The following ZNF814 variants were observed in gnomAD, a reference collection of about 807,000 sequenced individuals.
ZNF814 encodes zinc finger protein 814.
Under a neutral mutation model 7.5 loss-of-function variants are expected in ZNF814, and 5 were observed. The observed-to-expected ratio is 0.67, with a 90% CI of 0.35 to 1.40. The LOEUF is 1.40. Among genes scored for constraint, ZNF814 ranks in the 40% most tolerant of loss-of-function variants. ZNF814 has a pLI of 0.04. For synonymous variants in ZNF814, 315 were observed against 340.7 expected (o/e 0.92, Z 0.83); for missense variants, 962 against 1,018.0 (o/e 0.94, Z 0.75).
rs1399675701 is a variant in ZNF814, at chr19:57,876,943, CCAGCGTCA to C, written c.128_135del (p.Val43GlyfsTer18). 1 of 1,614,118 alleles carries C rather than the reference CCAGCGTCA, an allele frequency of 6.2e-7. No individual in the cohort carries two copies. The highest frequency in any genetic ancestry group is 8.5e-7 in the Non-Finnish European group (1 of 1,180,004). The stretch of plus-strand genomic sequence containing the variant: ...AGGGAGGATATAAGTGCCAGGTTCT[CCAGCGTCA>C]CATCACGGTACAGGCATCTCTGAGC... On this transcript the variant is annotated frameshift_variant, in exon 2 of 3. Coordinates refer to ENST00000435989, the MANE Select transcript of ZNF814 (RefSeq NM_001144989.2). LOFTEE classifies it low-confidence loss of function (END_TRUNC).
At chr19:57,890,816 G>A (rs1259301060), upstream of ZNF814, among the ~76,000 whole-genome samples, 2 of 152,112 alleles carry the variant, frequency 1.3e-5, no homozygotes, top group Non-Finnish European at 2.9e-5. Flanking sequence ...ACAGGAATTG[G>A]GAAGGAGCCA....
chr19:57,895,259 CCTTTT>C, the ZNF814 span, among the ~76,000 whole-genome samples: 42 of 151,788 alleles, frequency 2.8e-4, no homozygotes, highest in East Asian at 1.2e-3. Context: ...AGCCTCCTTG[CCTTTT>C]CTTTTCTTTT....
chr19:57,898,437 G>A, the ZNF814 span, among the ~76,000 whole-genome samples: 1 of 152,186 alleles, frequency 6.6e-6, no homozygotes, highest in Non-Finnish European at 1.5e-5. Context: ...CGAACAGATC[G>A]AACCGCATTA....
intron 1 of ZNF814, among the ~76,000 whole-genome samples, chr19:57,879,542 A>G (rs542686990): frequency 2.6e-3 from 364 of 142,346 alleles, no homozygotes; most frequent in Middle Eastern, 7.8e-3. Flanking sequence ...TAAAAGATTT[A>G]CTACCTTATT....
Position 57,870,078 on chromosome 19 carries a change from A to C in ZNF814, c.*2744T>G, listed in dbSNP as rs185173026. ...ACATGGTGAAACCCCATCTCTAGTA[A>C]AGATACAAAAAATTAGCTGGGTATG... is the stretch of plus-strand genomic sequence containing the variant. On this transcript the variant is annotated 3_prime_UTR_variant, in exon 3 of 3. Transcript: ENST00000435989. 2.0e-5 allele frequency: 3 copies of C among 152,158 alleles called. No individual in the cohort carries two copies. Among genetic ancestry groups the C allele is most frequent in the Admixed American group, 2.0e-4 (3 of 15,266 alleles). 9.4% of individuals were successfully genotyped at this position (152,158 alleles called of 1,614,324 possible). A position where few individuals can be genotyped will look rare whatever the true frequency, so the allele number is the denominator to read the frequency against.
chr19:57,902,252 G>C, the ZNF814 span, among the ~76,000 whole-genome samples: 3 of 152,172 alleles, frequency 2.0e-5, no homozygotes, highest in Non-Finnish European at 4.4e-5. Context: ...GTAAGGCTGG[G>C]GTGCTACAAA....
chr19:57,897,702 C>A, the ZNF814 span, among the ~76,000 whole-genome samples: 1 of 152,154 alleles, frequency 6.6e-6, no homozygotes, highest in African/African-American at 2.4e-5. Flanking sequence ...GGGGAGCCAC[C>A]AAAGAAGGTC....
intron 1 of ZNF814, among the ~76,000 whole-genome samples, chr19:57,887,221 A>C (rs375433845): frequency 2.6e-5 from 4 of 152,194 alleles, no homozygotes; most frequent in South Asian, 2.1e-4. Context: ...AATAAAGACT[A>C]CATCTAACCA....
Position 57,872,817 on chromosome 19 carries a change from C to G in ZNF814, c.*5G>C. 1 of 1,609,540 alleles carries G rather than the reference C, an allele frequency of 6.2e-7. No individual in the cohort carries two copies. The highest frequency in any genetic ancestry group is 8.5e-7 in the Non-Finnish European group (1 of 1,177,442). ...TTGCTAAAAACTTTCTGACAATCCT[C>G]ACACTCATATGGCTTTTCTCCAGTG... is the stretch of plus-strand genomic sequence containing the variant. On this transcript the variant is annotated 3_prime_UTR_variant, in exon 3 of 3. Coordinates refer to ENST00000435989, the MANE Select transcript of ZNF814 (RefSeq NM_001144989.2).
chr19:57,873,163 G>C lies in ZNF814; in HGVS notation c.2227C>G (p.Pro743Ala), dbSNP rs2071571454. ...AHQRVHTGER[P>A]YECNDCGKSF... ...TTTCCACAATCATTGCATTCATAAG[G>C]CCTTTCTCCAGTGTGAACTCTCTGA... is the stretch of plus-strand genomic sequence containing the variant. Residue 743 changes from proline (P) to alanine (A), a missense_variant, in exon 3 of 3, where the codon CCT becomes GCT. Physicochemically the swap from Pro to Ala is conservative, Grantham distance 27. This residue lies in a region of ZNF814 where 665 missense variants were observed against 551.4 expected (regional missense o/e 1.21). Transcript: ENST00000435989. 1.9e-6 allele frequency: 3 copies of C among 1,613,668 alleles called. No homozygotes were observed. Among genetic ancestry groups the C allele is most frequent in the South Asian group, 1.1e-5 (1 of 90,968 alleles).
At chr19:57,894,800 C>CTCTA in the ZNF814 span, among the ~76,000 whole-genome samples, 8 of 151,046 alleles carry the variant, frequency 5.3e-5, no homozygotes, top group Admixed American at 1.3e-4. Flanking sequence ...CACCACTGCA[C>CTCTA]TCTAGCCTGG....
At chr19:57,894,415 T>C in the ZNF814 span, among the ~76,000 whole-genome samples, 3 of 151,370 alleles carry the variant, frequency 2.0e-5, no homozygotes, top group Non-Finnish European at 4.4e-5. Flanking sequence ...AGAAAAGAAG[T>C]GGGTTTTCTT....
In ZNF814 at chr19:57,869,550, T is replaced by C. The variant is rs2071538333; in HGVS notation, c.*3272A>G. On this transcript the variant is annotated 3_prime_UTR_variant, in exon 3 of 3. Coordinates refer to ENST00000435989, the MANE Select transcript of ZNF814 (RefSeq NM_001144989.2). The stretch of plus-strand genomic sequence containing the variant: ...GTTAAGTTCATTATTGTGACTATGT[T>C]AATGGTTTCATGGGATTATATGAAA... The C allele has an allele frequency of 6.6e-6, 1 of 152,148 alleles. No homozygotes were observed. Among genetic ancestry groups the C allele is most frequent in the Non-Finnish European group, 1.5e-5 (1 of 68,030 alleles). 9.4% of individuals were successfully genotyped at this position (152,148 alleles called of 1,614,324 possible). A position where few individuals can be genotyped will look rare whatever the true frequency, so the allele number is the denominator to read the frequency against.
At chr19:57,878,337 G>A (rs1248883029) in intron 1 of ZNF814, among the ~76,000 whole-genome samples, 1 of 152,040 alleles carries the variant, frequency 6.6e-6, no homozygotes, top group East Asian at 1.9e-4. Flanking sequence ...TCCCTCAGGA[G>A]GATGCCATTG....
Position 57,873,035 on chromosome 19 carries a change from G to C in ZNF814, c.2355C>G (p.Ser785=), listed in dbSNP as rs749175531. 1.1e-5 allele frequency: 17 copies of C among 1,613,458 alleles called. No individual in the cohort carries two copies. Among genetic ancestry groups the C allele is most frequent in the East Asian group, 2.2e-5 (1 of 44,836 alleles). Residue 785 remains serine (S), a synonymous_variant, in exon 3 of 3, where the codon TCC becomes TCG. Coordinates refer to ENST00000435989, the MANE Select transcript of ZNF814 (RefSeq NM_001144989.2). ...SECGKSFAES[S]SFTKHKRVHT... is the part of the protein sequence containing the mutation. ...GAACTCTTTTGTGTTTTGTGAAACT[G>C]GAGCTTTCAGCGAAAGATTTTCCAC... is the stretch of plus-strand genomic sequence containing the variant.
At position 57,871,589 on chromosome 19, in the gene ZNF814, A is replaced by G. The variant is rs1000675664; in HGVS notation, c.*1233T>C. 2.6e-5 allele frequency: 4 copies of G among 152,204 alleles called. No individual in the cohort carries two copies. Among genetic ancestry groups the G allele is most frequent in the African/African-American group, 9.7e-5 (4 of 41,446 alleles). The allele number at this position is 152,204 out of a possible 1,614,324, so 9.4% of individuals were successfully genotyped here. A position where few individuals can be genotyped will look rare whatever the true frequency, so the allele number is the denominator to read the frequency against. On this transcript the variant is annotated 3_prime_UTR_variant, in exon 3 of 3. Transcript: ENST00000435989. ...GAGAAATGGGAGGCAAGCTGTTCTT[A>G]GGATCATGACTTGGAGGGTAGAAAA...
intron 1 of ZNF814, among the ~76,000 whole-genome samples, chr19:57,884,785 G>C (rs111853654): frequency 6.6e-6 from 1 of 150,868 alleles, no homozygotes; most frequent in African/African-American, 2.5e-5. Flanking sequence ...TGAAGAAAAA[G>C]GACCTCTCGT....
rs529705406 is a variant in ZNF814 at position 57,875,231 on chromosome 19, A to G, written c.164-5T>C. 107 of 1,512,916 alleles carry G rather than the reference A, an allele frequency of 7.1e-5. 1 individual carries two copies. Among genetic ancestry groups the G allele is most frequent in the Non-Finnish European group, 5.8e-5 (66 of 1,130,918 alleles). The allele number at this position is 1,512,916 out of a possible 1,614,324, so 93.7% of individuals were successfully genotyped here. A position where few individuals can be genotyped will look rare whatever the true frequency, so the allele number is the denominator to read the frequency against. The stretch of plus-strand genomic sequence containing the variant: ...CTTCCACTCCACACCAACAACCTGA[A>G]AGCAAGAAAATGCTGGTGAAGTGCA... On this transcript the variant is annotated splice_region_variant and splice_polypyrimidine_tract_variant and intron_variant, in intron 2 of 2. Coordinates refer to ENST00000435989, the MANE Select transcript of ZNF814 (RefSeq NM_001144989.2).
the ZNF814 span, among the ~76,000 whole-genome samples, chr19:57,903,105 G>A: frequency 1.3e-5 from 2 of 152,150 alleles, no homozygotes; most frequent in East Asian, 3.9e-4. Flanking sequence ...GAAGGAGTTT[G>A]GATCCCTGTG....
Sources: gnomAD v4.1 joint callset for allele counts (sites outside exome capture counted in the v4.1 genomes callset) on GRCh38, gnomAD v4.1.1 for gene constraint, gnomAD v4.1.1 regional missense constraint, MANE v1.5 for transcripts, NCBI Gene and HGNC (gene_info 2026-07-23, HGNC 2026-07-21) for gene names.